Variants in NAV2 observed in about 807,000 individuals in gnomAD.
The protein encoded by NAV2 is helicase, APC down-regulated 1.
In NAV2, 54 loss-of-function variants were observed where a neutral mutation model predicts 223.2. The observed-to-expected ratio is 0.24, with a 90% CI of 0.19 to 0.30. The LOEUF (loss-of-function observed/expected upper bound fraction) is 0.30. Ranked by LOEUF, NAV2 falls within the 10% of genes least tolerant of loss-of-function variation. The probability of loss-of-function intolerance (pLI) is 1.00; values close to 1 mark genes in which losing one functional copy is unlikely to be tolerated. For synonymous variants in NAV2, 1,279 were observed against 1,239.3 expected, an observed-to-expected ratio of 1.03 and a Z score of -0.67; for missense variants, 2,806 against 3,147.5, an observed-to-expected ratio of 0.89 and a Z score of 2.60.
At chr11:19,993,227 C>G (rs1231557112) in intron 11 of NAV2, among the ~76,000 whole-genome samples, 1 of 152,186 alleles carries the variant, frequency 6.6e-6, no homozygotes, top group Non-Finnish European at 1.5e-5. Context: ...TCTCAAAAAA[C>G]TCTATTTGGC....
intron 35 of NAV2, among the ~76,000 whole-genome samples, chr11:20,106,177 GTGTGTGTATATATA>G (rs2062042346): frequency 8.0e-4 from 11 of 13,822 alleles, no homozygotes; most frequent in East Asian, 2.4e-3. Context: ...ATATATATAT[GTGTGTGTATATATA>G]TATATATATA....
chr11:19,914,414 C>G (rs573007176), intron 6 of NAV2, among the ~76,000 whole-genome samples: 1 of 152,322 alleles, frequency 6.6e-6, no homozygotes, highest in African/African-American at 2.4e-5. Context: ...GGAACCACCC[C>G]AAATCATTCT....
At chr11:19,743,785 A>G (rs1446030798) in intron 1 of NAV2, among the ~76,000 whole-genome samples, 1 of 152,252 alleles carries the variant, frequency 6.6e-6, no homozygotes, top group Non-Finnish European at 1.5e-5. Context: ...TCATCCCGGC[A>G]GCTTCTCACT....
Position 19,448,231 on chromosome 11 carries a change from C to T in NAV2, c.75+97204C>T, listed in dbSNP as rs556927455. 4.6e-5 allele frequency among the ~76,000 whole-genome samples: 7 copies of T among 151,492 alleles called. No individual in the cohort carries two copies. In the South Asian group the frequency reaches 1.5e-3, roughly 32 times the overall value. On this transcript the variant is annotated intron_variant, in intron 1 of 37. Transcript: ENST00000360655. ...GGTGGGGGCCAGCCCTGGGAGGTGG[C>T]GGTCCCTGCCTGAGGAGGTGTGGGC...
At chr11:19,730,182 C>T (rs1272723226) in intron 1 of NAV2, among the ~76,000 whole-genome samples, 3 of 152,128 alleles carry the variant, frequency 2.0e-5, no homozygotes, top group African/African-American at 7.2e-5. Flanking sequence ...GTGCAAGTGC[C>T]TCGGAAGCCC....
intron 1 of NAV2, among the ~76,000 whole-genome samples, chr11:19,555,311 G>A (rs2044844105): frequency 6.6e-6 from 1 of 152,216 alleles, no homozygotes; most frequent in African/African-American, 2.4e-5. Context: ...CCCCACTGGG[G>A]AAAGCAGGCC....
chr11:19,686,970 T>C (rs7120593), intron 1 of NAV2, among the ~76,000 whole-genome samples: 121,430 of 151,784 alleles, frequency 0.8, 51,095 homozygotes, highest in Middle Eastern at 0.92. Flanking sequence ...ATGAGGAAAC[T>C]GCAGATTAGA....
chr11:19,777,509 A>G (rs1590446024), intron 1 of NAV2: 1 of 454,446 alleles, frequency 2.2e-6, no homozygotes. Context: ...TAACACCACC[A>G]TGAAGCTGGT....
At chr11:19,793,682 C>T (rs924250879) in intron 1 of NAV2, among the ~76,000 whole-genome samples, 16 of 148,100 alleles carry the variant, frequency 1.1e-4, no homozygotes, top group Non-Finnish European at 2.4e-4. Context: ...CAGATTGTGT[C>T]GTGCCCTGTT....
At chr11:20,046,197 A>G (rs1311698551) in intron 14 of NAV2, among the ~76,000 whole-genome samples, 2 of 130,234 alleles carry the variant, frequency 1.5e-5, no homozygotes, top group Non-Finnish European at 3.6e-5. Flanking sequence ...TTAGCCTGGC[A>G]TGGTGGTATG....
chr11:19,445,526 A>G (rs932077370), intron 1 of NAV2, among the ~76,000 whole-genome samples: 12 of 152,262 alleles, frequency 7.9e-5, no homozygotes, highest in African/African-American at 2.9e-4. Flanking sequence ...TGATGGAATT[A>G]TGCCATATTC....
chr11:19,667,147 G>T (rs2048435917), intron 1 of NAV2, among the ~76,000 whole-genome samples: 1 of 152,148 alleles, frequency 6.6e-6, no homozygotes, highest in African/African-American at 2.4e-5. Context: ...CATTGTCACT[G>T]GGTTCTCAGA....
chr11:20,056,114 G>T (rs1591887580), intron 19 of NAV2, among the ~76,000 whole-genome samples, 157 bp downstream of exon 19: 1 of 152,290 alleles, frequency 6.6e-6, no homozygotes, highest in East Asian at 1.9e-4. Context: ...TCAGGGGTGG[G>T]GATCTCTGAA....
At chr11:19,788,211 G>A (rs766862997) in intron 1 of NAV2, among the ~76,000 whole-genome samples, 6 of 152,086 alleles carry the variant, frequency 3.9e-5, no homozygotes, top group East Asian at 1.9e-4. Flanking sequence ...GTTTAGCAAC[G>A]TCCCTGGCTT....
At chr11:19,699,617 C>T (rs189305076) in intron 1 of NAV2, among the ~76,000 whole-genome samples, 96 of 152,298 alleles carry the variant, frequency 6.3e-4, no homozygotes, top group Non-Finnish European at 7.2e-4. Context: ...TAGGGATCTG[C>T]TTTTATCCCA....
the NAV2 span, among the ~76,000 whole-genome samples, chr11:19,345,532 G>T: frequency 2.0e-5 from 3 of 152,234 alleles, no homozygotes; most frequent in Admixed American, 6.5e-5. The surrounding 1 kb of genome is among the most constrained non-coding windows in gnomAD (Gnocchi z 5.2). Flanking sequence ...TCTGCTGCGG[G>T]ACTCTGACCG....
At chr11:19,408,414 A>G (rs1294301805) in intron 1 of NAV2, among the ~76,000 whole-genome samples, 1 of 152,228 alleles carries the variant, frequency 6.6e-6, no homozygotes, top group African/African-American at 2.4e-5. Context: ...GTCACTCCAG[A>G]TAATTTTTGC....
chr11:19,519,317 T>G (rs763946811), intron 1 of NAV2, among the ~76,000 whole-genome samples: 1 of 152,096 alleles, frequency 6.6e-6, no homozygotes, highest in Non-Finnish European at 1.5e-5. Context: ...TCTGCCTTCA[T>G]GCAGCATGGG....
chr11:19,565,518 G>A (rs557259689), intron 1 of NAV2, among the ~76,000 whole-genome samples: 1 of 152,276 alleles, frequency 6.6e-6, no homozygotes, highest in South Asian at 2.1e-4. Context: ...CTGCTCCCAG[G>A]AACCCAGGAG....
Sources: allele counts gnomAD v4.1 joint callset (sites outside exome capture counted in the v4.1 genomes callset), GRCh38; gene constraint gnomAD v4.1.1; non-coding constraint Gnocchi (gnomAD v3.1); transcripts MANE v1.5; gene names NCBI Gene and HGNC (gene_info 2026-07-23, HGNC 2026-07-21).